The following RSPO2 variants were observed in gnomAD, a reference collection of about 807,000 sequenced individuals.
The protein encoded by RSPO2 is R-spondin 2, also known as R-spondin-2.
Under a neutral mutation model 30.9 loss-of-function variants are expected in RSPO2, and 14 were observed. The ratio of observed to expected loss-of-function variants is 0.45; its 90% CI spans 0.30 to 0.71. The LOEUF is 0.71. Among genes scored for constraint, RSPO2 ranks in the 30% least tolerant of loss-of-function variants. The pLI is 0.08. For missense variants in RSPO2, 264 were observed against 301.9 expected (o/e 0.87, Z 0.93); for synonymous variants, 107 against 96.4 (o/e 1.11, Z -0.64).
chr8:108,026,449 G>A (rs987676759), intron 2 of RSPO2, among the ~76,000 whole-genome samples: 5 of 152,052 alleles, frequency 3.3e-5, no homozygotes, highest in African/African-American at 7.2e-5. Context: ...AATTCATTGC[G>A]ATTATAAATG....
At chr8:107,927,192 G>C (rs901295479) in intron 5 of RSPO2, among the ~76,000 whole-genome samples, 11 of 151,956 alleles carry the variant, frequency 7.2e-5, no homozygotes, top group South Asian at 2.1e-4. Context: ...ATTTTGCTCT[G>C]TGTTTGTCTG....
At chr8:108,010,836 A>C (rs547565945) in intron 2 of RSPO2, among the ~76,000 whole-genome samples, 1 of 152,334 alleles carries the variant, frequency 6.6e-6, no homozygotes, top group Admixed American at 6.5e-5. Flanking sequence ...ACATTCATTA[A>C]CAAGACACAA....
intron 5 of RSPO2, among the ~76,000 whole-genome samples, chr8:107,929,645 T>C (rs1037707113): frequency 2.6e-5 from 4 of 152,000 alleles, no homozygotes; most frequent in African/African-American, 9.7e-5. Flanking sequence ...AATTAAGACT[T>C]CAAAATTGCT....
chr8:108,082,145 G>A (rs1047759145), intron 2 of RSPO2, among the ~76,000 whole-genome samples: 1 of 152,018 alleles, frequency 6.6e-6, no homozygotes, highest in Admixed American at 6.5e-5. Context: ...AAACAAATGA[G>A]CTACAGGGAA....
chr8:108,006,272 A>G (rs563667714), intron 2 of RSPO2, among the ~76,000 whole-genome samples: 7 of 152,328 alleles, frequency 4.6e-5, no homozygotes, highest in South Asian at 2.1e-4. Context: ...GAATTCAAAC[A>G]TTTTAAACAA....
At chr8:108,011,529 T>C (rs1371976361) in intron 2 of RSPO2, among the ~76,000 whole-genome samples, 1 of 152,352 alleles carries the variant, frequency 6.6e-6, no homozygotes, top group African/African-American at 2.4e-5. Flanking sequence ...TCTCTTCAAA[T>C]GTTTTAAAGA....
intron 3 of RSPO2, among the ~76,000 whole-genome samples, chr8:107,968,773 A>G (rs1813900644): frequency 6.6e-6 from 1 of 152,132 alleles, no homozygotes; most frequent in Non-Finnish European, 1.5e-5. Flanking sequence ...ATTGCAGCCC[A>G]AGATGGTGAA....
chr8:107,972,607 C>A (rs116776800), intron 3 of RSPO2, among the ~76,000 whole-genome samples: 444 of 151,972 alleles, frequency 2.9e-3, no homozygotes, highest in African/African-American at 0.01. Flanking sequence ...TATGCACAGT[C>A]CTTAACCATA....
intron 5 of RSPO2, among the ~76,000 whole-genome samples, chr8:107,923,982 T>G (rs1413071372): frequency 1.3e-5 from 2 of 151,888 alleles, no homozygotes; most frequent in African/African-American, 4.8e-5. Flanking sequence ...GAAAAATAAC[T>G]AATGGGTACT....
chr8:107,904,179 T>C (rs1303130830), intron 5 of RSPO2, among the ~76,000 whole-genome samples: 1 of 152,042 alleles, frequency 6.6e-6, no homozygotes, highest in East Asian at 1.9e-4. Context: ...GGGATTAGAC[T>C]TGGAGAATGA....
intron 2 of RSPO2, among the ~76,000 whole-genome samples, chr8:108,024,458 A>G (rs1265452868): frequency 6.6e-6 from 1 of 152,212 alleles, no homozygotes; most frequent in East Asian, 1.9e-4. Context: ...CTCAGTGCAA[A>G]TGAGTATCTA....
chr8:107,921,302 A>T (rs73700340), intron 5 of RSPO2, among the ~76,000 whole-genome samples: 14,365 of 150,668 alleles, frequency 0.095, 788 homozygotes, highest in South Asian at 0.16. Flanking sequence ...ACACACACAC[A>T]CACACACTCC....
chr8:107,914,830 CT>C (rs1265028616), intron 5 of RSPO2, among the ~76,000 whole-genome samples: 2 of 151,996 alleles, frequency 1.3e-5, no homozygotes, highest in African/African-American at 4.8e-5. Context: ...TTTTAGGTGC[CT>C]TTATGTGTTT....
chr8:107,901,102 G>A lies in RSPO2; in HGVS notation c.705C>T (p.Phe235=), dbSNP rs767763675. Residue 235 remains phenylalanine (F), a synonymous_variant, in exon 6 of 6, where the codon TTC becomes TTT. Coordinates refer to ENST00000276659, the MANE Select transcript of RSPO2 (RefSeq NM_178565.5). ...ATTGGTTAGCTCTGTCTGTAGCTAG[G>A]AAGACGCTGTGTTGCTCCTGGGCCC... ...IERAQEQHSV[F]LATDRANQ 2.5e-6 allele frequency: 4 copies of A among 1,614,112 alleles called. No individual in the cohort carries two copies. Among genetic ancestry groups the A allele is most frequent in the South Asian group, 1.1e-5 (1 of 91,072 alleles).
At chr8:107,907,396 T>A (rs1048624652) in intron 5 of RSPO2, among the ~76,000 whole-genome samples, 3 of 152,080 alleles carry the variant, frequency 2.0e-5, no homozygotes, top group Non-Finnish European at 4.4e-5. Flanking sequence ...TTGCTATCAT[T>A]TTCCTTAAGA....
At chr8:108,057,771 C>T (rs73307374) in intron 2 of RSPO2, among the ~76,000 whole-genome samples, 7,780 of 152,072 alleles carry the variant, frequency 0.051, 624 homozygotes, top group African/African-American at 0.17. Context: ...TGCAATATAA[C>T]CAGTTTCTTC....
chr8:107,911,242 G>T (rs1482179555), intron 5 of RSPO2, among the ~76,000 whole-genome samples: 18 of 152,056 alleles, frequency 1.2e-4, no homozygotes, highest in Admixed American at 1.2e-3. Context: ...TGTCTCAATT[G>T]CATATTCTCT....
At chr8:108,042,366 G>A (rs1248627654) in intron 2 of RSPO2, among the ~76,000 whole-genome samples, 3 of 152,068 alleles carry the variant, frequency 2.0e-5, no homozygotes, top group Non-Finnish European at 4.4e-5. Flanking sequence ...ATGACAGTAG[G>A]AAATAACAAC....
chr8:108,049,766 G>A (rs1812022570), intron 2 of RSPO2, among the ~76,000 whole-genome samples: 6 of 152,232 alleles, frequency 3.9e-5, no homozygotes, highest in Admixed American at 3.3e-4. Flanking sequence ...GTATTCCATG[G>A]TGTATATGTG....
Sources: allele counts gnomAD v4.1 joint callset (sites outside exome capture counted in the v4.1 genomes callset), GRCh38; gene constraint gnomAD v4.1.1; transcripts MANE v1.5; gene names NCBI Gene and HGNC (gene_info 2026-07-23, HGNC 2026-07-21).